Variants in PPARGC1A observed in about 807,000 individuals in gnomAD.
PPARGC1A encodes peroxisome proliferator-activated receptor gamma coactivator 1-alpha.
PPARGC1A carries 25 observed loss-of-function variants against 88.7 expected under a neutral mutation model. That is an observed-to-expected ratio of 0.28 (90% CI 0.21 to 0.39). The LOEUF (loss-of-function observed/expected upper bound fraction) is 0.39. PPARGC1A is among the 10% of genes least tolerant of loss of function. The probability of loss-of-function intolerance (pLI) is 1.00; values close to 1 mark genes in which losing one functional copy is unlikely to be tolerated. For synonymous variants in PPARGC1A, 363 were observed against 355.6 expected (o/e 1.02, Z -0.24); for missense variants, 880 against 968.7 (o/e 0.91, Z 1.22).
chr4:23,932,061 T>C, the PPARGC1A span, among the ~76,000 whole-genome samples: 1 of 152,180 alleles, frequency 6.6e-6, no homozygotes, highest in Non-Finnish European at 1.5e-5. Flanking sequence ...GTTGCCATAG[T>C]GGTGGTGGTC....
the PPARGC1A span, among the ~76,000 whole-genome samples, chr4:24,348,849 T>A: frequency 2.0e-5 from 3 of 152,134 alleles, no homozygotes; most frequent in Non-Finnish European, 2.9e-5. Context: ...ATTGCTTGTG[T>A]GATTTTTGGG....
chr4:24,134,299 A>T, the PPARGC1A span, among the ~76,000 whole-genome samples: 6 of 152,242 alleles, frequency 3.9e-5, no homozygotes, highest in Admixed American at 2.6e-4. Flanking sequence ...GTTACTGAGG[A>T]CTTAGAATAT....
the PPARGC1A span, among the ~76,000 whole-genome samples, chr4:24,387,818 A>AAGAGAGAGAAAGAG: frequency 2.5e-5 from 2 of 81,074 alleles, no homozygotes; most frequent in African/African-American, 9.6e-5. Context: ...GAAAGAAAGA[A>AAGAGAGAGAAAGAG]AGAAAGAGAG....
chr4:24,135,547 G>T, the PPARGC1A span, among the ~76,000 whole-genome samples: 2 of 152,102 alleles, frequency 1.3e-5, no homozygotes, highest in South Asian at 2.1e-4. Flanking sequence ...GAAGGATTTT[G>T]CTTGGTATTT....
the PPARGC1A span, among the ~76,000 whole-genome samples, chr4:23,942,075 G>GA: frequency 0.016 from 2,329 of 148,380 alleles, 35 homozygotes; most frequent in African/African-American, 0.032. Flanking sequence ...AAGATAGTGG[G>GA]AAAAAAAAAA....
the PPARGC1A span, among the ~76,000 whole-genome samples, chr4:24,129,993 T>A: frequency 2.0e-5 from 3 of 151,626 alleles, no homozygotes; most frequent in African/African-American, 7.3e-5. Flanking sequence ...CACCGGGGCC[T>A]GTTGAGGGGT....
the PPARGC1A span, among the ~76,000 whole-genome samples, chr4:24,341,404 A>G: frequency 6.6e-6 from 1 of 152,200 alleles, no homozygotes; most frequent in African/African-American, 2.4e-5. Flanking sequence ...TTAAGAACCT[A>G]TTGGGAGTCA....
chr4:24,229,126 T>G, the PPARGC1A span, among the ~76,000 whole-genome samples: 1 of 149,860 alleles, frequency 6.7e-6, no homozygotes, highest in East Asian at 2.0e-4. Flanking sequence ...TTTAATTGAT[T>G]ATGGATGAAG....
chr4:24,457,715 A>ATTATTTAT, the PPARGC1A span, among the ~76,000 whole-genome samples: 300 of 151,618 alleles, frequency 2.0e-3, 2 homozygotes, highest in East Asian at 0.036. Context: ...TGGCTAATTT[A>ATTATTTAT]TTATTTATTT....
chr4:23,972,401 T>A, the PPARGC1A span, among the ~76,000 whole-genome samples: 3 of 152,232 alleles, frequency 2.0e-5, no homozygotes, highest in Admixed American at 2.0e-4. Flanking sequence ...AGTATGACTT[T>A]CTGTTACTCA....
At chr4:24,197,467 T>C in the PPARGC1A span, among the ~76,000 whole-genome samples, 1 of 152,224 alleles carries the variant, frequency 6.6e-6, no homozygotes, top group South Asian at 2.1e-4. Context: ...TGCCTCATCT[T>C]CCTTCCTCCA....
the PPARGC1A span, among the ~76,000 whole-genome samples, chr4:24,407,326 G>C: frequency 1.3e-5 from 2 of 152,128 alleles, no homozygotes; most frequent in African/African-American, 4.8e-5. Flanking sequence ...CCAGTGTCTG[G>C]GTAAAACAAG....
chr4:24,274,920 G>A, the PPARGC1A span, among the ~76,000 whole-genome samples: 7 of 152,140 alleles, frequency 4.6e-5, no homozygotes, highest in African/African-American at 1.7e-4. Flanking sequence ...AGGGTTCCTG[G>A]GTAGAGTATC....
the PPARGC1A span, among the ~76,000 whole-genome samples, chr4:24,204,895 C>T: frequency 2.2e-4 from 34 of 152,276 alleles, no homozygotes; most frequent in African/African-American, 7.7e-4. Context: ...GCAATCCCGG[C>T]TCACCGCAAC....
At chr4:24,307,122 A>T in the PPARGC1A span, among the ~76,000 whole-genome samples, 1 of 152,150 alleles carries the variant, frequency 6.6e-6, no homozygotes, top group African/African-American at 2.4e-5. Flanking sequence ...TTTCCAGTCC[A>T]CTGGCCTGGC....
At chr4:24,284,480 C>G in the PPARGC1A span, among the ~76,000 whole-genome samples, 43 of 152,268 alleles carry the variant, frequency 2.8e-4, no homozygotes, top group African/African-American at 1.0e-3. Flanking sequence ...GTTTCTTAGC[C>G]TTATGAAATC....
chr4:24,286,241 C>G, the PPARGC1A span, among the ~76,000 whole-genome samples: 1 of 152,162 alleles, frequency 6.6e-6, no homozygotes, highest in Non-Finnish European at 1.5e-5. Context: ...CTATTGCTAC[C>G]GAGGGAAAGT....
chr4:24,175,022 G>A, the PPARGC1A span, among the ~76,000 whole-genome samples: 1 of 152,212 alleles, frequency 6.6e-6, no homozygotes, highest in African/African-American at 2.4e-5. Context: ...CTTGTTGCTC[G>A]GGGCCTAGTG....
chr4:24,309,674 T>C, the PPARGC1A span, among the ~76,000 whole-genome samples: 3 of 152,142 alleles, frequency 2.0e-5, no homozygotes, highest in Non-Finnish European at 2.9e-5. Flanking sequence ...ATTGAACTCC[T>C]GGGCTCAAGG....
Sources: gnomAD v4.1 joint callset for allele counts (sites outside exome capture counted in the v4.1 genomes callset) on GRCh38, gnomAD v4.1.1 for gene constraint, MANE v1.5 for transcripts, NCBI Gene and HGNC (gene_info 2026-07-23, HGNC 2026-07-21) for gene names.